The following ENPP3 variants were observed in gnomAD, a reference collection of about 807,000 sequenced individuals.
The protein encoded by ENPP3 is ectonucleotide pyrophosphatase/phosphodiesterase family member 3.
ENPP3 carries 104 observed loss-of-function variants against 117.8 expected under a neutral mutation model. The observed-to-expected ratio is 0.88, with a 90% CI of 0.75 to 1.04. The LOEUF (loss-of-function observed/expected upper bound fraction) is 1.04, where lower values mean the gene tolerates loss of function less well. Among genes scored for constraint, ENPP3 ranks in the 50% least tolerant of loss-of-function variants. The pLI, the probability that ENPP3 is intolerant of heterozygous loss-of-function variation, is 0.00. For synonymous variants in ENPP3, 380 were observed against 349.9 expected (o/e 1.09, Z -0.96); for missense variants, 1,026 against 1,051.9 (o/e 0.98, Z 0.34).
At chr6:131,674,340 G>GTGTCCTCCTGTCACACT in intron 8 of ENPP3, 59 bp downstream of exon 8, 1 of 1,549,722 alleles carries the variant, frequency 6.5e-7, no homozygotes, top group Non-Finnish European at 8.9e-7. Flanking sequence ...TGTGACAGGA[G>GTGTCCTCCTGTCACACT]GACACTCTTC....
intron 6 of ENPP3, among the ~76,000 whole-genome samples, chr6:131,670,778 C>T (rs1778722172): frequency 6.6e-6 from 1 of 152,124 alleles, no homozygotes; most frequent in African/African-American, 2.4e-5. Flanking sequence ...AGGTGTGAGC[C>T]TCTGGGCCTA....
In ENPP3 at chr6:131,742,386, T is replaced by C. The variant is rs78394645; in HGVS notation, c.2457+2006T>C. On this transcript the variant is annotated intron_variant, in intron 24 of 24. Coordinates refer to ENST00000357639, the MANE Select transcript of ENPP3 (RefSeq NM_005021.5). ...GTTCTAGGTAGATATGATGGAGTGA[T>C]TACAATGAGTACACAAAGAAAAAAA... is the stretch of plus-strand genomic sequence containing the variant. Among the ~76,000 whole-genome samples the C allele has an allele frequency of 3.7e-4, 56 of 152,196 alleles. 2 individuals carry two copies. The East Asian group carries it at 8.9e-3, about 24-fold the overall frequency.
intron 20 of ENPP3, among the ~76,000 whole-genome samples, chr6:131,730,324 A>T (rs980839078): frequency 6.6e-6 from 1 of 152,206 alleles, no homozygotes; most frequent in Non-Finnish European, 1.5e-5. Flanking sequence ...AGAACTGTAT[A>T]CTATGATATG....
At chr6:131,680,432 C>A (rs1214558142) in intron 11 of ENPP3, among the ~76,000 whole-genome samples, 1 of 151,960 alleles carries the variant, frequency 6.6e-6, no homozygotes, top group Non-Finnish European at 1.5e-5. Flanking sequence ...TGAGGATGTC[C>A]AGAAGACAAA....
chr6:131,652,797 G>T, intron 4 of ENPP3, 34 bp from the exon 5 acceptor site: 1 of 1,599,050 alleles, frequency 6.3e-7, no homozygotes, highest in Non-Finnish European at 8.6e-7. Context: ...CTGTGCTGCA[G>T]CAAGTATCAA....
At position 131,718,679 on chromosome 6, in the gene ENPP3, T is replaced by C. The variant is rs909855844; in HGVS notation, c.1420T>C (p.Ser474Pro). The C allele has an allele frequency of 1.3e-6, 2 of 1,583,540 alleles. No individual in the cohort carries two copies. Among genetic ancestry groups the C allele is most frequent in the African/African-American group, 2.7e-5 (2 of 74,256 alleles). ...DQQWLAVRSK[S>P]NTNCGGGNHG... ...AATATTTTTTCTTTATAGGAGTAAATCAAATACAAATTGTGGAGGAGGCAA... is the reference window on the plus strand; with the variant it reads ...AATATTTTTTCTTTATAGGAGTAAACCAAATACAAATTGTGGAGGAGGCAA... Residue 474 changes from serine to proline, a missense_variant, in exon 16 of 25, where the codon TCA becomes CCA. Physicochemically the swap from Ser to Pro is moderately conservative, Grantham distance 74 (BLOSUM62 -1). Coordinates refer to ENST00000357639, the MANE Select transcript of ENPP3 (RefSeq NM_005021.5).
intron 1 of ENPP3, among the ~76,000 whole-genome samples, chr6:131,641,249 C>A (rs1778033515): frequency 6.6e-6 from 1 of 151,848 alleles, no homozygotes; most frequent in South Asian, 2.1e-4. Flanking sequence ...TCTTTAAATT[C>A]TGCCAAAATA....
intron 17 of ENPP3, among the ~76,000 whole-genome samples, chr6:131,721,574 T>G (rs994216083): frequency 2.6e-5 from 4 of 151,966 alleles, no homozygotes; most frequent in Non-Finnish European, 5.9e-5. Context: ...AACATGCAAA[T>G]TGTATGTTTC....
At chr6:131,672,506 A>G (rs1355853489) in intron 7 of ENPP3, among the ~76,000 whole-genome samples, 1 of 152,176 alleles carries the variant, frequency 6.6e-6, no homozygotes, top group African/African-American at 2.4e-5. Context: ...CACTCATAAA[A>G]GAAGGTTATG....
chr6:131,642,144 T>A (rs1177496820), intron 2 of ENPP3, among the ~76,000 whole-genome samples: 1 of 152,098 alleles, frequency 6.6e-6, no homozygotes, highest in Non-Finnish European at 1.5e-5. Flanking sequence ...AGCCTTTTCA[T>A]TCTGCTCCCA....
chr6:131,734,514 T>G (rs1780354418), intron 21 of ENPP3, among the ~76,000 whole-genome samples: 1 of 152,192 alleles, frequency 6.6e-6, no homozygotes, highest in Non-Finnish European at 1.5e-5. Flanking sequence ...TTAAAACTCC[T>G]GAGTTAGGAT....
intron 14 of ENPP3, among the ~76,000 whole-genome samples, chr6:131,689,934 A>C (rs1473425492): frequency 1.3e-5 from 2 of 152,324 alleles, no homozygotes; most frequent in South Asian, 2.1e-4. Flanking sequence ...AAGTAACTAC[A>C]GTCGTGGTAA....
At chr6:131,689,256 G>GA (rs1466312605) in intron 14 of ENPP3, among the ~76,000 whole-genome samples, 6 of 152,166 alleles carry the variant, frequency 3.9e-5, no homozygotes, top group Admixed American at 6.5e-5. Flanking sequence ...ATTGGAAGAA[G>GA]ATGCCATCTA....
intron 24 of ENPP3, among the ~76,000 whole-genome samples, chr6:131,741,033 TAC>T (rs891454014): frequency 3.3e-5 from 5 of 151,604 alleles, no homozygotes; most frequent in African/African-American, 4.8e-5. Context: ...AAATTGATTA[TAC>T]ACACACACAC....
At chr6:131,687,727 A>G (rs1291591908) in intron 14 of ENPP3, among the ~76,000 whole-genome samples, 1 of 152,238 alleles carries the variant, frequency 6.6e-6, no homozygotes, top group South Asian at 2.1e-4. Context: ...ACATACAAGT[A>G]GCCAGCAAAC....
chr6:131,669,368 G>T (rs1407943843), intron 6 of ENPP3, among the ~76,000 whole-genome samples: 1 of 152,036 alleles, frequency 6.6e-6, no homozygotes, highest in East Asian at 1.9e-4. Context: ...GACCTGGGCT[G>T]CTTGTTAAGA....
chr6:131,643,768 G>C (rs1289812625), intron 2 of ENPP3, among the ~76,000 whole-genome samples: 1 of 152,098 alleles, frequency 6.6e-6, no homozygotes, highest in Non-Finnish European at 1.5e-5. Flanking sequence ...ACAATTACTG[G>C]AGATGAAGTG....
intron 16 of ENPP3, among the ~76,000 whole-genome samples, chr6:131,719,657 A>T (rs1038927745): frequency 6.6e-6 from 1 of 152,046 alleles, no homozygotes; most frequent in Admixed American, 6.6e-5. Flanking sequence ...ATATACACCC[A>T]CACCTGTTAC....
intron 11 of ENPP3, among the ~76,000 whole-genome samples, chr6:131,682,619 A>G (rs566257451): frequency 6.6e-6 from 1 of 152,338 alleles, no homozygotes; most frequent in East Asian, 1.9e-4. Context: ...AAATGCCCAG[A>G]AGTAGAATCG....
Sources: allele counts gnomAD v4.1 joint callset (sites outside exome capture counted in the v4.1 genomes callset), GRCh38; gene constraint gnomAD v4.1.1; transcripts MANE v1.5; gene names NCBI Gene and HGNC (gene_info 2026-07-23, HGNC 2026-07-21).